Variants in GPRC5D observed in about 807,000 individuals in gnomAD.
The protein encoded by GPRC5D is G protein-coupled receptor class C group 5 member D, also known as G protein-coupled receptor family C group 5 member D.
Under a neutral mutation model 29.3 loss-of-function variants are expected in GPRC5D, and 20 were observed. The observed-to-expected ratio is 0.68, with a 90% CI of 0.48 to 0.99. The LOEUF (loss-of-function observed/expected upper bound fraction) is 0.99, where lower values mean the gene tolerates loss of function less well. Among genes scored for constraint, GPRC5D ranks in the 50% least tolerant of loss-of-function variants. The probability of loss-of-function intolerance (pLI) is 0.00; values close to 1 mark genes in which losing one functional copy is unlikely to be tolerated. For missense variants in GPRC5D, 384 were observed against 423.6 expected, an observed-to-expected ratio of 0.91 and a Z score of 0.82; for synonymous variants, 178 against 171.3, an observed-to-expected ratio of 1.04 and a Z score of -0.30.
exon 1 of GPRC5D, chr12:12,950,053 G>A: frequency 6.2e-7 from 1 of 1,613,800 alleles, no homozygotes; most frequent in Non-Finnish European, 8.5e-7. Context: ...TAGATTGGAG[G>A]CATGAGCTAA....
At chr12:12,944,821 C>T (rs1358497448) in intron 1 of GPRC5D, among the ~76,000 whole-genome samples, 2 of 13,430 alleles carry the variant, frequency 1.5e-4, no homozygotes, top group African/African-American at 3.2e-4. Context: ...TTCCTTCCTT[C>T]CTTCCTTCCT....
At chr12:12,948,659 T>G (rs2136503281) in intron 1 of GPRC5D, 1 of 153,126 alleles carries the variant, frequency 6.5e-6, no homozygotes, top group Admixed American at 6.5e-5. Flanking sequence ...GAAAAGGAAT[T>G]AATGAGTTTT....
chr12:12,944,219 G>A (rs919863152), intron 1 of GPRC5D, among the ~76,000 whole-genome samples: 2 of 152,142 alleles, frequency 1.3e-5, no homozygotes, highest in South Asian at 2.1e-4. Flanking sequence ...TCCATCTCAC[G>A]GCCTCTTGAG....
intron 1 of GPRC5D, 27 bp downstream of exon 2, chr12:12,949,463 T>C (rs1565480057): frequency 6.3e-7 from 1 of 1,583,086 alleles, no homozygotes; most frequent in East Asian, 2.2e-5. Context: ...AGCACCTCCC[T>C]GCTCCCTGAA....
intron 2 of GPRC5D, among the ~76,000 whole-genome samples, chr12:12,941,100 G>A (rs763681050): frequency 1.3e-5 from 2 of 152,020 alleles, no homozygotes; most frequent in Non-Finnish European, 2.9e-5. Context: ...TAGTAGAGAT[G>A]GGGTTTCACC....
exon 1 of GPRC5D, chr12:12,949,738 A>G: frequency 1.9e-6 from 3 of 1,614,202 alleles, no homozygotes; most frequent in Non-Finnish European, 2.5e-6. Context: ...CACCACCCAG[A>G]TGATGATGGA....
chr12:12,950,445 G>T, upstream of GPRC5D: 1 of 1,141,832 alleles, frequency 8.8e-7, no homozygotes, highest in South Asian at 1.4e-5. Context: ...GAAAAAGGAT[G>T]AGACAAATTG....
intron 1 of GPRC5D, among the ~76,000 whole-genome samples, 154 bp from the exon 3 acceptor site, chr12:12,942,482 C>T (rs1863178702): frequency 6.6e-6 from 1 of 152,206 alleles, no homozygotes; most frequent in Non-Finnish European, 1.5e-5. Flanking sequence ...CGCCTGTAAT[C>T]CCAGCACTTT....
rs374734710 is a variant in GPRC5D, at chr12:12,950,239, C to T, written c.146G>A (p.Arg49Gln). The T allele has an allele frequency of 2.8e-5, 45 of 1,614,020 alleles. No homozygotes were observed. In the African/African-American group the frequency reaches 3.3e-4, roughly 12 times the overall value. Residue 49 changes from arginine to glutamine, a missense_variant, in exon 1 of 3, where the codon CGA becomes CAA. Physicochemically the swap from Arg to Gln is conservative, Grantham distance 43 (BLOSUM62 1). Transcript: ENST00000228887. ...CCACTGGCTGCAGTCTTGGATCTTT[C>T]GCATGAGGAAGAGAAATGCTAAGAG... is the stretch of plus-strand genomic sequence containing the variant.
chr12:12,947,485 C>T (rs1157572884), intron 1 of GPRC5D, among the ~76,000 whole-genome samples: 1 of 152,074 alleles, frequency 6.6e-6, no homozygotes, highest in Non-Finnish European at 1.5e-5. Context: ...TTATTTTGCC[C>T]AATCTTGGAG....
chr12:12,950,556 C>T (rs1220897105), upstream of GPRC5D: 10 of 591,584 alleles, frequency 1.7e-5, no homozygotes, highest in Admixed American at 3.0e-5. Context: ...CCTGTTATCC[C>T]AGCACTTTGG....
Position 12,944,953 on chromosome 12 carries a change from CT to C in GPRC5D, c.896-2626del, listed in dbSNP as rs1863271443. ...CCTTTTCTTCCCTTTCTTTCCTTTT[CT>C]TTCCTTTTCTTTCCTTTTCTTTTTC... On this transcript the variant is annotated intron_variant, in intron 1 of 2. Transcript: ENST00000228887. Among the ~76,000 whole-genome samples, 5 of 141,492 alleles carry C rather than the reference CT, an allele frequency of 3.5e-5. No individual in the cohort carries two copies. The South Asian group carries it at 1.2e-3, about 33-fold the overall frequency. The allele number at this position is 141,492 out of a possible 152,430, so 92.8% of individuals were successfully genotyped here. A position where few individuals can be genotyped will look rare whatever the true frequency, so the allele number is the denominator to read the frequency against.
rs747439881 is a variant in GPRC5D at position 12,950,004 on chromosome 12, C to T, written c.381G>A (p.Thr127=). 1.1e-5 allele frequency: 18 copies of T among 1,613,958 alleles called. No homozygotes were observed. In the Admixed American group the frequency reaches 1.2e-4, roughly 10 times the overall value. ...AACCAATAGCAATGCACAGAATTGT[C>T]GTCCAGGAGAAGGAGACACAACCCC... The change falls in exon 1 of 3, where the codon ACG becomes ACA. Residue 127 remains threonine, a synonymous_variant. Transcript: ENST00000228887.
chr12:12,943,882 A>G (rs1033226653), intron 1 of GPRC5D, among the ~76,000 whole-genome samples: 6 of 152,178 alleles, frequency 3.9e-5, no homozygotes, highest in Non-Finnish European at 7.3e-5. Context: ...TTTTTATACT[A>G]AACCTGCACC....
intron 1 of GPRC5D, chr12:12,946,928 CAT>C (rs772806141): frequency 2.0e-5 from 3 of 152,208 alleles, no homozygotes; most frequent in Non-Finnish European, 4.4e-5. Flanking sequence ...ACTGAAACAA[CAT>C]GTGTTTTGGG....
upstream of GPRC5D, among the ~76,000 whole-genome samples, chr12:12,951,840 G>C (rs1214640478): frequency 6.6e-6 from 1 of 152,126 alleles, no homozygotes; most frequent in Non-Finnish European, 1.5e-5. Flanking sequence ...AATGCAGCAG[G>C]TTGTAGTTAA....
intron 2 of GPRC5D, among the ~76,000 whole-genome samples, 177 bp downstream of exon 3, chr12:12,942,084 C>T (rs905588429): frequency 3.3e-5 from 5 of 152,162 alleles, no homozygotes; most frequent in East Asian, 1.9e-4. Flanking sequence ...AGCTGTCTTG[C>T]GCCACCTGGT....
At chr12:12,943,742 C>T (rs887049123) in intron 1 of GPRC5D, among the ~76,000 whole-genome samples, 2 of 152,166 alleles carry the variant, frequency 1.3e-5, no homozygotes, top group African/African-American at 4.8e-5. Context: ...CATAACAAGG[C>T]TCCTTCACAC....
intron 1 of GPRC5D, chr12:12,944,534 G>A (rs2136493076): frequency 6.6e-6 from 1 of 151,804 alleles, no homozygotes; most frequent in South Asian, 2.1e-4. Context: ...TTCAGCAAAA[G>A]TTGGAGTTTG....
Sources: gnomAD v4.1 joint callset for allele counts (sites outside exome capture counted in the v4.1 genomes callset) on GRCh38, gnomAD v4.1.1 for gene constraint, MANE v1.5 for transcripts, NCBI Gene and HGNC (gene_info 2026-07-23, HGNC 2026-07-21) for gene names.